Variants in FAM169A observed in about 807,000 individuals in gnomAD.
FAM169A encodes the protein family with sequence similarity 169 member A.
Under a neutral mutation model 75.7 loss-of-function variants are expected in FAM169A, and 24 were observed. The ratio of observed to expected loss-of-function variants is 0.32; its 90% CI spans 0.23 to 0.45. The LOEUF is 0.45. Ranked by LOEUF, FAM169A falls within the 20% of genes least tolerant of loss-of-function variation. The pLI is 1.00. For missense variants in FAM169A, 673 were observed against 784.0 expected (o/e 0.86, Z 1.69); for synonymous variants, 271 against 271.0 (o/e 1.00, Z 0.00).
rs80170796 is a variant in FAM169A, at chr5:74,814,690, T to A, written c.491-671A>T. Among the ~76,000 whole-genome samples, 714 of 152,330 alleles carry A rather than the reference T, an allele frequency of 4.7e-3. 6 individuals carry two copies. The highest frequency in any genetic ancestry group is 0.016 in the African/African-American group (686 of 41,594). ...GGACAAAAAATTTGTAGTTTCTATATATCTCTCTCCTTATTATACAGCTAT... is the reference window on the plus strand; with the variant it reads ...GGACAAAAAATTTGTAGTTTCTATAAATCTCTCTCCTTATTATACAGCTAT... On this transcript the variant is annotated intron_variant, in intron 5 of 12. Coordinates refer to ENST00000687041, the MANE Select transcript of FAM169A (RefSeq NM_001376049.1).
rs1469738326 is a variant in FAM169A at position 74,781,866 on chromosome 5, T to G, written c.1607A>C (p.Glu536Ala). The G allele has an allele frequency of 1.9e-6, 3 of 1,613,978 alleles. No homozygotes were observed. Among genetic ancestry groups the G allele is most frequent in the Non-Finnish European group, 2.5e-6 (3 of 1,180,020 alleles). Residue 536 changes from glutamate (E) to alanine (A), a missense_variant, in exon 13 of 13, where the codon GAA (glutamate) becomes GCA (alanine). Around this residue, in one of 3 missense-constraint regions of FAM169A, gnomAD observed 510 missense variants for 550.9 expected, o/e 0.93. Coordinates refer to ENST00000687041, the MANE Select transcript of FAM169A (RefSeq NM_001376049.1). ...TGGAAAACCACCATCAGATCGTTCT[T>G]CATTTGACATAGTAGCAACATTGTC... ...SSDNVATMSN[E>A]ERSDGGFPNS...
intron 11 of FAM169A, among the ~76,000 whole-genome samples, chr5:74,786,288 T>A (rs1247113352): frequency 1.3e-5 from 2 of 152,156 alleles, no homozygotes; most frequent in Non-Finnish European, 1.5e-5. Flanking sequence ...TCCTATTAGT[T>A]CCATTCCTCT....
intron 5 of FAM169A, among the ~76,000 whole-genome samples, chr5:74,831,359 C>T (rs1748302584): frequency 6.6e-6 from 1 of 152,140 alleles, no homozygotes; most frequent in Non-Finnish European, 1.5e-5. Flanking sequence ...AATAGATTGA[C>T]TTGTCTGAAA....
rs1482206544 is a variant in FAM169A at position 74,778,885 on chromosome 5, G to C, written c.*2575C>G. On this transcript the variant is annotated 3_prime_UTR_variant, in exon 13 of 13. Transcript: ENST00000687041. Reference sequence around the variant, plus strand: ...ATCACATTTTCAGTCCTCTGTAATTGTGAAATTTTTTCTAATGCCTTGCAA... The same window carrying C: ...ATCACATTTTCAGTCCTCTGTAATTCTGAAATTTTTTCTAATGCCTTGCAA... 1 of 152,030 alleles carries C rather than the reference G, an allele frequency of 6.6e-6. No homozygotes were observed. Among genetic ancestry groups the C allele is most frequent in the Non-Finnish European group, 1.5e-5 (1 of 67,910 alleles). 9.4% of individuals were successfully genotyped at this position (152,030 alleles called of 1,614,324 possible).
chr5:74,823,722 T>C (rs1747876637), intron 5 of FAM169A, among the ~76,000 whole-genome samples: 1 of 152,184 alleles, frequency 6.6e-6, no homozygotes, highest in South Asian at 2.1e-4. Flanking sequence ...CGTTTCCCAA[T>C]GATACATTTC....
intron 11 of FAM169A, among the ~76,000 whole-genome samples, chr5:74,787,919 G>A (rs1206019384): frequency 6.6e-6 from 1 of 151,930 alleles, no homozygotes; most frequent in Non-Finnish European, 1.5e-5. Flanking sequence ...TCAATTTCCA[G>A]ACTTGAGCCA....
chr5:74,854,928 A>G (rs1218722534), intron 1 of FAM169A, among the ~76,000 whole-genome samples: 1 of 152,216 alleles, frequency 6.6e-6, no homozygotes, highest in African/African-American at 2.4e-5. Context: ...GGGAGTGCAG[A>G]AATCTCTTTG....
intron 2 of FAM169A, among the ~76,000 whole-genome samples, chr5:74,841,317 T>C (rs1347109104): frequency 6.6e-6 from 1 of 152,182 alleles, no homozygotes; most frequent in Non-Finnish European, 1.5e-5. Context: ...AAACTGGTGG[T>C]ATTCTCACAT....
chr5:74,797,701 G>A (rs1270633935), intron 10 of FAM169A, among the ~76,000 whole-genome samples: 2 of 152,112 alleles, frequency 1.3e-5, no homozygotes, highest in Admixed American at 1.3e-4. Context: ...CTGGCTAATG[G>A]CTATCATACT....
At chr5:74,856,412 T>C (rs62367764) in intron 1 of FAM169A, among the ~76,000 whole-genome samples, 14,536 of 152,252 alleles carry the variant, frequency 0.095, 883 homozygotes, top group East Asian at 0.14. Flanking sequence ...TTCCAATATA[T>C]GGACATGAAA....
At chr5:74,800,165 A>T (rs1007440661) in intron 10 of FAM169A, 6 of 428,118 alleles carry the variant, frequency 1.4e-5, no homozygotes, top group Admixed American at 1.1e-4. Flanking sequence ...GCCAGCCCCA[A>T]GGAAACACTG....
At chr5:74,866,397 G>C (rs977277503), upstream of FAM169A, 4 of 983,118 alleles carry the variant, frequency 4.1e-6, no homozygotes, top group Admixed American at 1.2e-4. Flanking sequence ...TAGCGCCGCA[G>C]CGCCTCCAGC....
chr5:74,859,438 T>C (rs1240127083), intron 1 of FAM169A, among the ~76,000 whole-genome samples: 5 of 151,478 alleles, frequency 3.3e-5, no homozygotes, highest in African/African-American at 9.7e-5. Flanking sequence ...TACAGGCACA[T>C]GCCATCAAGC....
At chr5:74,809,152 T>C (rs1037991546) in intron 6 of FAM169A, among the ~76,000 whole-genome samples, 2 of 151,782 alleles carry the variant, frequency 1.3e-5, no homozygotes, top group African/African-American at 4.8e-5. Context: ...ATGGGACAAA[T>C]AAAGAATAAA....
chr5:74,803,784 A>G (rs879884084), intron 8 of FAM169A, among the ~76,000 whole-genome samples: 5 of 152,160 alleles, frequency 3.3e-5, no homozygotes, highest in African/African-American at 4.8e-5. Flanking sequence ...AGTGCATTAC[A>G]TTCTACAAAG....
intron 4 of FAM169A, 130 bp downstream of exon 4, chr5:74,838,835 A>T: frequency 1.4e-6 from 1 of 710,322 alleles, no homozygotes; most frequent in Non-Finnish European, 2.5e-6. Flanking sequence ...TCATCGTAAG[A>T]ATGAAATTCT....
chr5:74,784,510 CAAAAAAAA>C (rs200414695), intron 11 of FAM169A, among the ~76,000 whole-genome samples: 1 of 29,868 alleles, frequency 3.3e-5, no homozygotes, highest in Non-Finnish European at 5.5e-5. Context: ...GACTCCGTCT[CAAAAAAAA>C]AAAAAAAAAA....
chr5:74,820,285 C>T (rs1747708366), intron 5 of FAM169A, among the ~76,000 whole-genome samples: 1 of 151,966 alleles, frequency 6.6e-6, no homozygotes, highest in African/African-American at 2.4e-5. Context: ...CATTAGCCAC[C>T]GCACCCAGCC....
At chr5:74,795,226 C>G (rs1812122) in intron 11 of FAM169A, among the ~76,000 whole-genome samples, 35,318 of 152,056 alleles carry the variant, frequency 0.23, 4,328 homozygotes, top group Middle Eastern at 0.31. Context: ...CCACTGCACT[C>G]CAGCCTGGGT....
Sources: gnomAD v4.1 joint callset for allele counts (sites outside exome capture counted in the v4.1 genomes callset) on GRCh38, gnomAD v4.1.1 for gene constraint, gnomAD v4.1.1 regional missense constraint, MANE v1.5 for transcripts, NCBI Gene and HGNC (gene_info 2026-07-23, HGNC 2026-07-21) for gene names.